TSHZ2: variants seen among roughly 807,000 people sequenced by gnomAD.
The protein encoded by TSHZ2 is teashirt homolog 2.
Under a neutral mutation model 74.4 loss-of-function variants are expected in TSHZ2, and 21 were observed. The observed-to-expected ratio is 0.28, with a 90% CI of 0.20 to 0.41. The LOEUF (loss-of-function observed/expected upper bound fraction) is 0.41, where lower values mean the gene tolerates loss of function less well. Among genes scored for constraint, TSHZ2 ranks in the 10% least tolerant of loss-of-function variants. TSHZ2 has a pLI of 1.00. For missense variants in TSHZ2, 1,244 were observed against 1,293.5 expected (o/e 0.96, Z 0.59); for synonymous variants, 540 against 515.3 (o/e 1.05, Z -0.65).
intron 2 of TSHZ2, among the ~76,000 whole-genome samples, chr20:53,434,012 G>T (rs1983947878): frequency 6.6e-6 from 1 of 152,122 alleles, no homozygotes; most frequent in African/African-American, 2.4e-5. Context: ...GGGACTACAG[G>T]CACATGCCAC....
At chr20:52,975,111 AC>A (rs1382832290) in intron 1 of TSHZ2, among the ~76,000 whole-genome samples, 4 of 152,192 alleles carry the variant, frequency 2.6e-5, no homozygotes, top group African/African-American at 9.7e-5. Context: ...AGACCCAGGA[AC>A]AGTGAGCCTG....
At chr20:53,467,792 A>G (rs1486478562) in intron 2 of TSHZ2, among the ~76,000 whole-genome samples, 1 of 152,204 alleles carries the variant, frequency 6.6e-6, no homozygotes, top group Non-Finnish European at 1.5e-5. Flanking sequence ...CCTGGTAGTG[A>G]AAGCAAGAAT....
intron 2 of TSHZ2, among the ~76,000 whole-genome samples, chr20:53,423,619 A>G (rs1381429403): frequency 6.6e-6 from 1 of 152,166 alleles, no homozygotes; most frequent in Admixed American, 6.5e-5. Flanking sequence ...GACTTTGCCA[A>G]CTGCTTTGTT....
chr20:53,406,969 C>T (rs148828581), intron 2 of TSHZ2, among the ~76,000 whole-genome samples: 17 of 152,262 alleles, frequency 1.1e-4, no homozygotes, highest in Non-Finnish European at 1.8e-4. Flanking sequence ...TTGATGCCAA[C>T]CCCAAACTCA....
In TSHZ2 at chr20:53,340,213, C is replaced by T. The variant is rs1441961173; in HGVS notation, c.*8+83642C>T. On this transcript the variant is annotated intron_variant, in intron 2 of 2. Coordinates refer to ENST00000371497, the MANE Select transcript of TSHZ2 (RefSeq NM_173485.6). ...TTTTTTTTTTTTTGAGATGGAGTCT[C>T]GCTCTGTCACCCAGGCTGGAGTGCA... Among the ~76,000 whole-genome samples the T allele has an allele frequency of 7.9e-5, 4 of 50,618 alleles. No homozygotes were observed. In the East Asian group the frequency reaches 1.4e-3, roughly 17 times the overall value. The allele number at this position is 50,618 out of a possible 152,430, so 33.2% of individuals were successfully genotyped here.
At chr20:52,996,311 A>AT (rs1568710807) in intron 1 of TSHZ2, among the ~76,000 whole-genome samples, 1 of 58,562 alleles carries the variant, frequency 1.7e-5, no homozygotes, top group Non-Finnish European at 4.0e-5. Context: ...TCAGGTTTTT[A>AT]TTTATTTATT....
rs565152741 is a variant in TSHZ2 at position 52,984,621 on chromosome 20, C to T, written c.40+11288C>T. On this transcript the variant is annotated intron_variant, in intron 1 of 2. Transcript: ENST00000371497. ...TAAGCAAGCAAGGGGCTGGGGCTGT[C>T]ACCGAGGTGGGGTGCCTCGGAGGGT... Among the ~76,000 whole-genome samples the T allele has an allele frequency of 2.8e-3, 426 of 152,238 alleles. 2 individuals carry two copies. Among genetic ancestry groups the T allele is most frequent in the African/African-American group, 1.0e-2 (414 of 41,534 alleles).
chr20:53,186,220 T>A (rs1337127169), intron 1 of TSHZ2, among the ~76,000 whole-genome samples: 2 of 152,228 alleles, frequency 1.3e-5, no homozygotes, highest in African/African-American at 4.8e-5. Context: ...CTCCTTGCAA[T>A]TGTCCATAGC....
At position 53,254,472 on chromosome 20, in the gene TSHZ2, A is replaced by G. The variant is rs1235296868; in HGVS notation, c.1014A>G (p.Gly338=). 2 of 1,613,936 alleles carry G rather than the reference A, an allele frequency of 1.2e-6. No homozygotes were observed. The highest frequency in any genetic ancestry group is 2.7e-5 in the African/African-American group (2 of 74,922). The change falls in exon 2 of 3, where the codon GGA becomes GGG. Residue 338 remains glycine, a synonymous_variant. Coordinates refer to ENST00000371497, the MANE Select transcript of TSHZ2 (RefSeq NM_173485.6). ...NRPCSPDSTT[G]SFADSFSSQK... Reference sequence around the variant, plus strand: ...CGTGTTCCCCCGATTCAACCACAGGATCTTTTGCAGATTCTTTTTCTTCTC... The same window carrying G: ...CGTGTTCCCCCGATTCAACCACAGGGTCTTTTGCAGATTCTTTTTCTTCTC...
At chr20:53,233,465 G>T (rs1274325111) in intron 1 of TSHZ2, among the ~76,000 whole-genome samples, 1 of 152,226 alleles carries the variant, frequency 6.6e-6, no homozygotes, top group Non-Finnish European at 1.5e-5. Flanking sequence ...CTGGGAAGTT[G>T]AGCAGGAGGC....
Position 53,378,768 on chromosome 20 carries a change from G to A in TSHZ2, c.*9-108376G>A, listed in dbSNP as rs75691235. On this transcript the variant is annotated intron_variant, in intron 2 of 2. Transcript: ENST00000371497. ...TGTCTTTAAAAAAAAACTGCCACAT[G>A]GAACCTGTTACCTTACAGATGTTGC... 6.3e-3 allele frequency among the ~76,000 whole-genome samples: 956 copies of A among 152,132 alleles called. 9 individuals are homozygous for A. The highest frequency in any genetic ancestry group is 0.022 in the African/African-American group (918 of 41,510).
At chr20:53,364,117 A>T (rs1981169019) in intron 2 of TSHZ2, among the ~76,000 whole-genome samples, 1 of 152,060 alleles carries the variant, frequency 6.6e-6, no homozygotes, top group African/African-American at 2.4e-5. Flanking sequence ...ATCAGGGATA[A>T]ATGGCAACAG....
Position 53,187,738 on chromosome 20 carries a change from G to GA in TSHZ2, c.41-65750dup, listed in dbSNP as rs11475445. On this transcript the variant is annotated intron_variant, in intron 1 of 2. Transcript: ENST00000371497. ...GAGGACAGGAAATGCTGATGGGAAAGAAAAAAAAAAATATGTGCTTGGGAT... is the reference window on the plus strand; with the variant it reads ...GAGGACAGGAAATGCTGATGGGAAAGAAAAAAAAAAAATATGTGCTTGGGAT... Among the ~76,000 whole-genome samples, 108 of 146,014 alleles carry GA rather than the reference G, an allele frequency of 7.4e-4. No individual in the cohort carries two copies. The East Asian group carries it at 8.9e-3, about 12-fold the overall frequency.
chr20:53,324,518 C>G (rs951279015), intron 2 of TSHZ2, among the ~76,000 whole-genome samples: 7 of 152,084 alleles, frequency 4.6e-5, no homozygotes, highest in African/African-American at 1.7e-4. Flanking sequence ...GCAGGGAGCA[C>G]AGGTATGCAT....
intron 2 of TSHZ2, among the ~76,000 whole-genome samples, chr20:53,272,678 G>A (rs1048277287): frequency 6.6e-6 from 1 of 152,174 alleles, no homozygotes; most frequent in Non-Finnish European, 1.5e-5. Context: ...AGCCAGAAAA[G>A]TATGAGGATG....
Position 53,074,697 on chromosome 20 carries a change from A to G in TSHZ2, c.40+101364A>G, listed in dbSNP as rs1985312135. Among the ~76,000 whole-genome samples, 1 of 152,258 alleles carries G rather than the reference A, an allele frequency of 6.6e-6. No individual in the cohort carries two copies. Among genetic ancestry groups the G allele is most frequent in the Non-Finnish European group, 1.5e-5 (1 of 68,046 alleles). ...CTATAGATACTAATTATTTTTAACT[A>G]TAGATACTAATTATAGTCTGAATTT... On this transcript the variant is annotated intron_variant, in intron 1 of 2. Transcript: ENST00000371497. This position sits in a 1 kb window ranked among gnomAD's most constrained non-coding sequence, Gnocchi z 5.9.
chr20:53,053,934 G>A (rs1231598065), intron 1 of TSHZ2, among the ~76,000 whole-genome samples: 1 of 152,162 alleles, frequency 6.6e-6, no homozygotes, highest in Non-Finnish European at 1.5e-5. Context: ...CGCCCTAACT[G>A]AACTCATAGT....
intron 1 of TSHZ2, among the ~76,000 whole-genome samples, chr20:53,037,456 C>T (rs371910292): frequency 1.6e-4 from 25 of 152,264 alleles, no homozygotes; most frequent in African/African-American, 5.8e-4. Context: ...AAATACATTT[C>T]TTTGAAACTA....
intron 2 of TSHZ2, among the ~76,000 whole-genome samples, chr20:53,468,216 G>A (rs1159790446): frequency 1.3e-5 from 2 of 152,112 alleles, no homozygotes; most frequent in African/African-American, 2.4e-5. Flanking sequence ...ACATACCTTT[G>A]ATTATAATTA....
Sources: gnomAD v4.1 joint callset for allele counts (sites outside exome capture counted in the v4.1 genomes callset) on GRCh38, gnomAD v4.1.1 for gene constraint, Gnocchi (gnomAD v3.1) non-coding constraint, MANE v1.5 for transcripts, NCBI Gene and HGNC (gene_info 2026-07-23, HGNC 2026-07-21) for gene names.